Variants in PCDH11X observed in about 807,000 individuals in gnomAD.
PCDH11X encodes the protein protocadherin 11 X-linked, also known as protocadherin-11 X-linked.
Under a neutral mutation model 53.3 loss-of-function variants are expected in PCDH11X, and 18 were observed. The ratio of observed to expected loss-of-function variants is 0.34; its 90% CI spans 0.23 to 0.50. The LOEUF is 0.50. PCDH11X is among the 20% of genes least tolerant of loss of function. PCDH11X has a pLI of 0.98. For missense variants in PCDH11X, 570 were observed against 1,032.4 expected (o/e 0.55, Z 6.14); for synonymous variants, 279 against 393.3 (o/e 0.71, Z 3.44).
At chrX:92,609,274 GT>G (rs767901891) in intron 10 of PCDH11X, among the ~76,000 whole-genome samples, 2 of 110,693 alleles carry the variant, frequency 1.8e-5, no homozygotes, top group African/African-American at 6.5e-5. Context: ...GAATTGCTGG[GT>G]TTTTTTTCTG....
chrX:91,905,806 A>G (rs923746892), intron 6 of PCDH11X, among the ~76,000 whole-genome samples: 14 of 111,174 alleles, frequency 1.3e-4, no homozygotes, highest in African/African-American at 4.6e-4. Context: ...TAAAAAATAA[A>G]CTAAATTGTG....
At chrX:92,598,250 C>A (rs377182534) in intron 10 of PCDH11X, among the ~76,000 whole-genome samples, 1 of 110,323 alleles carries the variant, frequency 9.1e-6, no homozygotes, top group South Asian at 3.9e-4. Context: ...GAAGAGACAA[C>A]CCACAGAATG....
In PCDH11X at chrX:92,252,253, A is replaced by G. The variant is rs913348886; in HGVS notation, c.3115-10861A>G. On this transcript the variant is annotated intron_variant, in intron 7 of 10. Transcript: ENST00000682573. ...AAAAATTAAGTTGGCTTAAAGTTGT[A>G]ATATTTTTCCTCAGTCATAGGACCT... Among the ~76,000 whole-genome samples the G allele has an allele frequency of 2.7e-5, 3 of 110,667 alleles. 1 individual carries two copies.
intron 6 of PCDH11X, among the ~76,000 whole-genome samples, chrX:92,062,855 C>T (rs868220254): frequency 9.0e-6 from 1 of 111,212 alleles, no homozygotes; most frequent in Non-Finnish European, 1.9e-5. Flanking sequence ...AGTATATAAC[C>T]AAGGGATTAT....
intron 6 of PCDH11X, among the ~76,000 whole-genome samples, chrX:92,101,020 C>T (rs1428895500): frequency 4.6e-4 from 51 of 111,576 alleles, no homozygotes; most frequent in African/African-American, 1.6e-3. Context: ...TTGGGAGGAC[C>T]TAGGACATCT....
chrX:91,982,352 A>T (rs2062152762), intron 6 of PCDH11X, among the ~76,000 whole-genome samples: 1 of 108,938 alleles, frequency 9.2e-6, no homozygotes, highest in South Asian at 4.1e-4. Flanking sequence ...ATGAACTTAC[A>T]AAGCGCCTAC....
intron 6 of PCDH11X, chrX:91,982,830 T>C: frequency 3.5e-6 from 3 of 853,489 alleles, no homozygotes; most frequent in Non-Finnish European, 5.3e-6. Flanking sequence ...GTCAATCAAA[T>C]ACTTGGCTGC....
rs2061395086 is a variant in PCDH11X, at chrX:91,932,268, A to G, written c.3033+52995A>G. 3.6e-5 allele frequency among the ~76,000 whole-genome samples: 4 copies of G among 110,162 alleles called. No homozygotes were observed. The Admixed American group carries it at 3.9e-4, about 11-fold the overall frequency. ...CCACAGCTGTGGAACATTGTGTATGATTATGTGTATATGTTATTTCAAAAA... is the reference window on the plus strand; with the variant it reads ...CCACAGCTGTGGAACATTGTGTATGGTTATGTGTATATGTTATTTCAAAAA... On this transcript the variant is annotated intron_variant, in intron 6 of 10. Transcript: ENST00000682573.
In PCDH11X at chrX:91,999,087, A is replaced by AT. The variant is rs747460622; in HGVS notation, c.3033+119822dup. Among the ~76,000 whole-genome samples the AT allele has an allele frequency of 1.2e-3, 135 of 108,267 alleles. 3 individuals are homozygous for AT. In the South Asian group the frequency reaches 0.051, roughly 41 times the overall value. 94.0% of individuals were successfully genotyped at this position (108,267 alleles called of 115,157 possible). ...CCCCACCATGTCCAACTATTTTTAA[A>AT]TTTTTTTTGTAAAGATGGAGCCTCA... On this transcript the variant is annotated intron_variant, in intron 6 of 10. Transcript: ENST00000682573.
At chrX:91,891,096 T>A (rs1367128673) in intron 6 of PCDH11X, among the ~76,000 whole-genome samples, 1 of 109,425 alleles carries the variant, frequency 9.1e-6, no homozygotes, top group East Asian at 2.9e-4. Flanking sequence ...CAGTCACTTT[T>A]AAAATATTGT....
intron 6 of PCDH11X, among the ~76,000 whole-genome samples, chrX:91,954,902 C>T (rs2061689720): frequency 9.2e-6 from 1 of 108,343 alleles, no homozygotes; most frequent in African/African-American, 3.5e-5. Flanking sequence ...TTCTCCCCTT[C>T]TGTAGGTTGT....
intron 10 of PCDH11X, among the ~76,000 whole-genome samples, chrX:92,542,414 G>A (rs2074773301): frequency 9.0e-6 from 1 of 111,383 alleles, no homozygotes; most frequent in Middle Eastern, 4.7e-3. Context: ...ACAATTATCT[G>A]TATTACCATA....
intron 6 of PCDH11X, among the ~76,000 whole-genome samples, chrX:92,088,668 TC>T (rs2063999248): frequency 8.9e-6 from 1 of 111,960 alleles, no homozygotes; most frequent in Non-Finnish European, 1.9e-5. Context: ...AATAGGGATC[TC>T]CCTACTGTAA....
chrX:92,490,819 A>G (rs1282784384), intron 10 of PCDH11X, among the ~76,000 whole-genome samples: 1 of 110,410 alleles, frequency 9.1e-6, no homozygotes, highest in Admixed American at 9.8e-5. Context: ...AGAGAGAGAA[A>G]GCAAGCAAGC....
intron 10 of PCDH11X, among the ~76,000 whole-genome samples, chrX:92,546,262 A>G (rs775464979): frequency 1.8e-5 from 2 of 111,281 alleles, no homozygotes; most frequent in South Asian, 7.5e-4. Flanking sequence ...AAAGAATATA[A>G]TCTGAAAGAA....
chrX:92,486,757 AT>A (rs899108111), intron 10 of PCDH11X, among the ~76,000 whole-genome samples: 7 of 109,551 alleles, frequency 6.4e-5, no homozygotes, highest in African/African-American at 2.0e-4. Context: ...GATATTTCTG[AT>A]TTTTTATTAT....
At chrX:92,285,596 A>G (rs766378133) in intron 8 of PCDH11X, among the ~76,000 whole-genome samples, 9 of 111,458 alleles carry the variant, frequency 8.1e-5, no homozygotes, top group Admixed American at 6.7e-4. Context: ...CTGTGTGTGT[A>G]ATAACATATG....
At chrX:91,967,316 C>T (rs562547218) in intron 6 of PCDH11X, among the ~76,000 whole-genome samples, 1 of 110,347 alleles carries the variant, frequency 9.1e-6, no homozygotes, top group South Asian at 3.9e-4. Context: ...TGTTAGGAAC[C>T]AGGCTGCACA....
At chrX:92,429,162 G>A (rs1181846246) in intron 9 of PCDH11X, among the ~76,000 whole-genome samples, 5 of 111,542 alleles carry the variant, frequency 4.5e-5, no homozygotes, top group Non-Finnish European at 9.4e-5. Flanking sequence ...CAGAATATAA[G>A]TGGCTTTCCC....
Sources: gnomAD v4.1 joint callset for allele counts (sites outside exome capture counted in the v4.1 genomes callset) on GRCh38, gnomAD v4.1.1 for gene constraint, MANE v1.5 for transcripts, NCBI Gene and HGNC (gene_info 2026-07-23, HGNC 2026-07-21) for gene names.